Variants in CEP112 observed in about 807,000 individuals in gnomAD.
The protein encoded by CEP112 is centrosomal protein of 112 kDa.
Under a neutral mutation model 153.0 loss-of-function variants are expected in CEP112, and 127 were observed. That is an observed-to-expected ratio of 0.83 (90% confidence interval 0.72 to 0.96). The LOEUF is 0.96. CEP112 is among the 40% of genes least tolerant of loss of function. The pLI is 0.00. For missense variants in CEP112, 1,089 were observed against 1,101.2 expected (o/e 0.99, Z 0.16); for synonymous variants, 358 against 374.4 (o/e 0.96, Z 0.51).
intron 18 of CEP112, among the ~76,000 whole-genome samples, chr17:65,945,551 TTC>T (rs2061623869): frequency 6.6e-6 from 1 of 152,238 alleles, no homozygotes; most frequent in Non-Finnish European, 1.5e-5. Flanking sequence ...ACTTTTTATT[TTC>T]TGTTTCATTT....
At chr17:66,183,460 G>A (rs529462053) in intron 1 of CEP112, among the ~76,000 whole-genome samples, 153 bp from the exon 2 acceptor site, 77 of 152,190 alleles carry the variant, frequency 5.1e-4, no homozygotes, top group Non-Finnish European at 9.3e-4. Context: ...AAACCCAGCC[G>A]TATTATTTGT....
chr17:65,658,370 G>C (rs1436705127), intron 24 of CEP112, among the ~76,000 whole-genome samples: 2 of 152,210 alleles, frequency 1.3e-5, no homozygotes, highest in African/African-American at 4.8e-5. Context: ...TCTGATCTGA[G>C]GTGATGGCTA....
chr17:65,752,089 A>G (rs1323129049), intron 21 of CEP112, among the ~76,000 whole-genome samples: 1 of 151,980 alleles, frequency 6.6e-6, no homozygotes, highest in Admixed American at 6.6e-5. Flanking sequence ...GTCTATAACT[A>G]TCTATCTACA....
chr17:66,065,207 T>G (rs111497854), intron 10 of CEP112, among the ~76,000 whole-genome samples: 5 of 152,212 alleles, frequency 3.3e-5, no homozygotes, highest in African/African-American at 1.2e-4. Flanking sequence ...CACCTTAACA[T>G]GCAAAATTAC....
At chr17:65,693,441 T>A (rs2048211591) in intron 23 of CEP112, among the ~76,000 whole-genome samples, 1 of 137,466 alleles carries the variant, frequency 7.3e-6, no homozygotes, top group African/African-American at 2.8e-5. Flanking sequence ...TTCTGCTCAG[T>A]GAAGTCAAGG....
At chr17:65,994,795 C>T (rs1214174964) in intron 17 of CEP112, among the ~76,000 whole-genome samples, 1 of 152,132 alleles carries the variant, frequency 6.6e-6, no homozygotes, top group Admixed American at 6.5e-5. Flanking sequence ...TTCAACACTC[C>T]CTGTCAAGTG....
intron 19 of CEP112, chr17:65,913,476 G>T (rs895035527): frequency 2.3e-5 from 23 of 984,032 alleles, no homozygotes; most frequent in Middle Eastern, 5.2e-4. Context: ...ATAGAAATAG[G>T]CACAAAAAAA....
chr17:65,756,401 G>A (rs1468505386), intron 21 of CEP112, among the ~76,000 whole-genome samples: 9 of 94,900 alleles, frequency 9.5e-5, no homozygotes, highest in Admixed American at 5.1e-4. Context: ...GCAAGACTCC[G>A]TCTCAAAAAA....
At chr17:65,747,122 T>G (rs1232487286) in intron 22 of CEP112, among the ~76,000 whole-genome samples, 2 of 152,120 alleles carry the variant, frequency 1.3e-5, no homozygotes, top group African/African-American at 4.8e-5. Flanking sequence ...CAACTCATTC[T>G]ATTGCTTTTC....
chr17:66,060,894 G>GA (rs34601457), intron 11 of CEP112, among the ~76,000 whole-genome samples: 82,583 of 141,020 alleles, frequency 0.59, 24,907 homozygotes, highest in African/African-American at 0.69. Flanking sequence ...CAAAAGCAAG[G>GA]AAAAAAAAAA....
At position 65,743,159 on chromosome 17, in the gene CEP112, T is replaced by C; in HGVS notation, c.2516A>G (p.Gln839Arg). Reference protein sequence around the residue: ...SSLKEENSQQQLAAERRLQDV... With the variant: ...SSLKEENSQQRLAAERRLQDV... ...CTGGAGCCGCCTTTCTGCAGCAAGC[T>C]GCTGCTGGCTGTTCTCTTCTTTCAG... The change falls in exon 23 of 27, where the codon CAG becomes CGG. Residue 839 changes from glutamine to arginine, a missense_variant. Gln to Arg is a conservative substitution (Grantham distance 43). Coordinates refer to ENST00000535342, the MANE Select transcript of CEP112 (RefSeq NM_001199165.4). 1 of 1,613,036 alleles carries C rather than the reference T, an allele frequency of 6.2e-7. No individual in the cohort carries two copies. Among genetic ancestry groups the C allele is most frequent in the Non-Finnish European group, 8.5e-7 (1 of 1,179,466 alleles).
chr17:65,749,805 T>C (rs982473060), intron 22 of CEP112, among the ~76,000 whole-genome samples: 4 of 69,208 alleles, frequency 5.8e-5, no homozygotes, highest in Non-Finnish European at 1.1e-4. Flanking sequence ...ACTACTATTA[T>C]GTGGCATTAT....
At chr17:65,977,437 C>T (rs1012727048) in intron 17 of CEP112, among the ~76,000 whole-genome samples, 21 of 152,184 alleles carry the variant, frequency 1.4e-4, no homozygotes, top group African/African-American at 3.9e-4. Flanking sequence ...TAAAGTCAAA[C>T]ACACACAATT....
At chr17:66,044,860 G>A (rs955066355) in intron 12 of CEP112, among the ~76,000 whole-genome samples, 5 of 151,830 alleles carry the variant, frequency 3.3e-5, no homozygotes, top group East Asian at 1.9e-4. Context: ...TTCATGTTAC[G>A]TCTATTCAAT....
At chr17:65,870,077 G>GAAAGA (rs1394983377) in intron 20 of CEP112, among the ~76,000 whole-genome samples, 13 of 147,974 alleles carry the variant, frequency 8.8e-5, no homozygotes, top group African/African-American at 2.8e-4. Flanking sequence ...AAGAAAGAAA[G>GAAAGA]AAAGAAAAGA....
At chr17:65,750,226 T>C (rs2051738507) in intron 22 of CEP112, among the ~76,000 whole-genome samples, 1 of 152,196 alleles carries the variant, frequency 6.6e-6, no homozygotes. Context: ...TAACCTAGAA[T>C]TATTTGTCAT....
chr17:65,967,839 T>C (rs1313327602), intron 17 of CEP112, among the ~76,000 whole-genome samples: 1 of 151,626 alleles, frequency 6.6e-6, no homozygotes, highest in African/African-American at 2.4e-5. Context: ...CAAGTAATAC[T>C]TCTATGGTAA....
chr17:65,649,276 T>G (rs1197433971), intron 24 of CEP112, among the ~76,000 whole-genome samples: 2 of 152,232 alleles, frequency 1.3e-5, no homozygotes, highest in African/African-American at 4.8e-5. Context: ...CCAATGTGCC[T>G]AACACGGAAT....
chr17:65,702,482 AG>A (rs1040032274), intron 23 of CEP112, among the ~76,000 whole-genome samples: 68 of 152,340 alleles, frequency 4.5e-4, no homozygotes, highest in African/African-American at 1.6e-3. Flanking sequence ...GTCCAAAAAG[AG>A]GTGAGTACAA....
Sources: gnomAD v4.1 joint callset for allele counts (sites outside exome capture counted in the v4.1 genomes callset) on GRCh38, gnomAD v4.1.1 for gene constraint, MANE v1.5 for transcripts, NCBI Gene and HGNC (gene_info 2026-07-23, HGNC 2026-07-21) for gene names.